Variants in CYFIP1 observed in about 807,000 individuals in gnomAD.
CYFIP1 encodes the protein cytoplasmic FMR1-interacting protein 1.
In CYFIP1, 58 loss-of-function variants were observed where a neutral mutation model predicts 163.5. That is an observed-to-expected ratio of 0.35 (90% confidence interval 0.29 to 0.44). The LOEUF is 0.44. Ranked by LOEUF, CYFIP1 falls within the 20% of genes least tolerant of loss-of-function variation. The probability of loss-of-function intolerance (pLI) is 1.00; values close to 1 mark genes in which losing one functional copy is unlikely to be tolerated. For synonymous variants in CYFIP1, 663 were observed against 660.7 expected (o/e 1.00, Z -0.05); for missense variants, 1,338 against 1,653.8 (o/e 0.81, Z 3.31).
At chr15:22,925,395 T>C (rs905955440) in intron 13 of CYFIP1, among the ~76,000 whole-genome samples, 2 of 152,120 alleles carry the variant, frequency 1.3e-5, no homozygotes, top group African/African-American at 2.4e-5. Context: ...CACACATGCA[T>C]TGTCACGTGA....
At chr15:22,930,748 A>G (rs1260812091) in intron 11 of CYFIP1, among the ~76,000 whole-genome samples, 13 of 152,228 alleles carry the variant, frequency 8.5e-5, no homozygotes, top group Admixed American at 8.5e-4. Context: ...TTGTGTTTTA[A>G]GCAAAGTGTT....
chr15:22,942,484 G>A (rs925867944), intron 6 of CYFIP1, among the ~76,000 whole-genome samples: 7 of 152,056 alleles, frequency 4.6e-5, no homozygotes, highest in Admixed American at 6.6e-5. Flanking sequence ...GTCACCGAAC[G>A]CCGGTCGGCA....
At position 22,872,879 on chromosome 15, in the gene CYFIP1, G is replaced by A; in HGVS notation, c.3543C>T (p.Tyr1181=). Residue 1181 remains tyrosine, a synonymous_variant, in exon 30 of 31, where the codon TAC becomes TAT. Transcript: ENST00000617928. ...QRRFAVLDFC[Y]HLLKVQKHDG... is the part of the protein sequence containing the mutation. ...CATGTTTCTGGACTTTAAGTAGATGGTAGCAGAAATCCAGCACAGCAAAAC... is the reference window on the plus strand; with the variant it reads ...CATGTTTCTGGACTTTAAGTAGATGATAGCAGAAATCCAGCACAGCAAAAC... 6.2e-7 allele frequency: 1 copy of A among 1,614,042 alleles called. No individual in the cohort carries two copies.
chr15:22,869,813 C>T lies in CYFIP1; in HGVS notation c.*215G>A, dbSNP rs1212782171. The stretch of plus-strand genomic sequence containing the variant: ...TTTGTAGGAACGTGATGGCAACAAT[C>T]AGCAGCCAATATTCTCAAGAGTTCC... On this transcript the variant is annotated 3_prime_UTR_variant, in exon 31 of 31. Transcript: ENST00000617928. 4.9e-6 allele frequency: 2 copies of T among 407,126 alleles called. No individual in the cohort carries two copies. The highest frequency in any genetic ancestry group is 4.1e-5 in the African/African-American group (2 of 48,286). 25.2% of individuals were successfully genotyped at this position (407,126 alleles called of 1,614,324 possible).
intron 22 of CYFIP1, among the ~76,000 whole-genome samples, chr15:22,895,284 G>A (rs1253870027): frequency 6.6e-6 from 1 of 152,088 alleles, no homozygotes; most frequent in Non-Finnish European, 1.5e-5. Flanking sequence ...AAAGTGCTGG[G>A]ATTACAGGCG....
Position 22,910,540 on chromosome 15 carries a change from G to C in CYFIP1, c.2248C>G (p.Leu750Val). ...LPPSNRYETL[L>V]KQRHVQLLGR... ...CTCACCTGCACATGCCTCTGCTTCA[G>C]CAGCGTCTCGTAGCGGTTAGACGGC... The change falls in exon 20 of 31, where the codon CTG becomes GTG. Residue 750 changes from leucine (L) to valine (V), a missense_variant. Leu to Val is a conservative substitution (Grantham distance 32). Coordinates refer to ENST00000617928, the MANE Select transcript of CYFIP1 (RefSeq NM_014608.6). The C allele has an allele frequency of 6.2e-7, 1 of 1,613,916 alleles. No homozygotes were observed. The highest frequency in any genetic ancestry group is 8.5e-7 in the Non-Finnish European group (1 of 1,179,780).
chr15:22,897,477 TG>T (rs926876987), intron 22 of CYFIP1, among the ~76,000 whole-genome samples: 9 of 144,788 alleles, frequency 6.2e-5, no homozygotes, highest in African/African-American at 1.2e-4. Context: ...TCAACAGGGT[TG>T]TTTTTTTTTT....
intron 11 of CYFIP1, among the ~76,000 whole-genome samples, chr15:22,928,847 G>A (rs1304246084): frequency 1.3e-5 from 2 of 152,142 alleles, no homozygotes; most frequent in African/African-American, 2.4e-5. Context: ...AAACAATGGC[G>A]GGAACCTGCA....
At position 22,867,066 on chromosome 15, in the gene CYFIP1, TTATTGTTGTAGAAG is replaced by T; in HGVS notation, c.*2948_*2961del. 1.9e-6 allele frequency: 1 copy of T among 519,062 alleles called. No individual in the cohort carries two copies. Among genetic ancestry groups the T allele is most frequent in the South Asian group, 3.4e-5 (1 of 29,270 alleles). 32.2% of individuals were successfully genotyped at this position (519,062 alleles called of 1,614,324 possible). ...GCACATGACGATTTCTATTAACATT[TTATTGTTGTAGAAG>T]TATTTTACATTTTCATCCCTTCTCC... On this transcript the variant is annotated 3_prime_UTR_variant, in exon 31 of 31. Transcript: ENST00000617928.
At chr15:22,920,777 A>C (rs1050098228) in intron 13 of CYFIP1, among the ~76,000 whole-genome samples, 97 of 152,330 alleles carry the variant, frequency 6.4e-4, no homozygotes, top group South Asian at 4.1e-4. Flanking sequence ...TCCTAATGCC[A>C]TGCTTGTGTT....
chr15:22,932,414 C>T (rs1041740531), intron 10 of CYFIP1, 74 bp from the exon 11 acceptor site: 27 of 995,770 alleles, frequency 2.7e-5, no homozygotes, highest in Non-Finnish European at 3.9e-5. Context: ...GCTCAGGACG[C>T]CTGTTTGGCA....
At chr15:22,946,494 A>T (rs888849020) in intron 3 of CYFIP1, among the ~76,000 whole-genome samples, 4 of 152,130 alleles carry the variant, frequency 2.6e-5, no homozygotes, top group Non-Finnish European at 5.9e-5. Flanking sequence ...TGCACAAATT[A>T]GCTGGGCGTA....
chr15:22,955,598 G>C (rs1463402372), intron 1 of CYFIP1, among the ~76,000 whole-genome samples: 1 of 152,190 alleles, frequency 6.6e-6, no homozygotes, highest in Non-Finnish European at 1.5e-5. Flanking sequence ...GAAAGTTGGA[G>C]ACAGCAGGCC....
chr15:22,952,869 T>C (rs1051454936), intron 1 of CYFIP1, among the ~76,000 whole-genome samples: 1 of 152,162 alleles, frequency 6.6e-6, no homozygotes, highest in Non-Finnish European at 1.5e-5. Context: ...TCTCCCAGCT[T>C]CCACAAAATT....
At position 22,918,672 on chromosome 15, in the gene CYFIP1, A is replaced by AG; in HGVS notation, c.1526+19dup. 5 of 1,549,872 alleles carry AG rather than the reference A, an allele frequency of 3.2e-6. No homozygotes were observed. Among genetic ancestry groups the AG allele is most frequent in the Non-Finnish European group, 4.4e-6 (5 of 1,148,364 alleles). The stretch of plus-strand genomic sequence containing the variant: ...GAGGACGTGTGGGCACAGCGGGCAC[A>AG]GGGCGTGGGGAAGGCTGACCTCTGG... On this transcript the variant is annotated intron_variant, in intron 14 of 30. Coordinates refer to ENST00000617928, the MANE Select transcript of CYFIP1 (RefSeq NM_014608.6).
chr15:22,933,617 A>G (rs1356060113), intron 10 of CYFIP1, among the ~76,000 whole-genome samples, 185 bp downstream of exon 10: 2 of 152,070 alleles, frequency 1.3e-5, no homozygotes, highest in African/African-American at 4.8e-5. Context: ...CCCGGCCTCA[A>G]TTGTATTTTT....
intron 22 of CYFIP1, among the ~76,000 whole-genome samples, chr15:22,894,193 G>A (rs1053415759): frequency 6.7e-6 from 1 of 150,004 alleles, no homozygotes; most frequent in Non-Finnish European, 1.5e-5. Flanking sequence ...TGCGGGAGAA[G>A]ACAACAAATG....
chr15:22,959,859 C>T (rs910947731), intron 1 of CYFIP1, among the ~76,000 whole-genome samples: 9 of 152,182 alleles, frequency 5.9e-5, no homozygotes, highest in Non-Finnish European at 1.2e-4. Context: ...AAAGGCTACA[C>T]GGCAGCCACC....
In CYFIP1 at chr15:22,873,709, C is replaced by A; in HGVS notation, c.3231G>T (p.Glu1077Asp). Residue 1077 changes from glutamate (E) to aspartate (D), a missense_variant, in exon 29 of 31, where the codon GAG becomes GAT. Coordinates refer to ENST00000617928, the MANE Select transcript of CYFIP1 (RefSeq NM_014608.6). ...GTPQQIAIAR[E>D]GDLLTKERLC... ...GGCGCTCCTTTGTCAGCAGGTCCCC[C>A]TCTCTTGCGATGGCAATTTGCTGCA... is the stretch of plus-strand genomic sequence containing the variant. 6.2e-7 allele frequency: 1 copy of A among 1,613,238 alleles called. No individual in the cohort carries two copies.
Sources: gnomAD v4.1 joint callset for allele counts (sites outside exome capture counted in the v4.1 genomes callset) on GRCh38, gnomAD v4.1.1 for gene constraint, MANE v1.5 for transcripts, NCBI Gene and HGNC (gene_info 2026-07-23, HGNC 2026-07-21) for gene names.